RIC8B: variants seen among roughly 807,000 people sequenced by gnomAD.
RIC8B encodes chaperone Ric-8B.
Under a neutral mutation model 57.5 loss-of-function variants are expected in RIC8B, and 16 were observed. That is an observed-to-expected ratio of 0.28 (90% CI 0.19 to 0.42). The LOEUF (loss-of-function observed/expected upper bound fraction) is 0.42. Ranked by LOEUF, RIC8B falls within the 10% of genes least tolerant of loss-of-function variation. RIC8B has a pLI of 1.00. For synonymous variants in RIC8B, 216 were observed against 250.8 expected, an observed-to-expected ratio of 0.86 and a Z score of 1.31; for missense variants, 481 against 677.0, an observed-to-expected ratio of 0.71 and a Z score of 3.21.
chr12:106,886,919 C>T lies in RIC8B; in HGVS notation c.*904C>T, dbSNP rs1376603760. The T allele has an allele frequency of 6.6e-6, 1 of 152,480 alleles. No individual in the cohort carries two copies. Among genetic ancestry groups the T allele is most frequent in the Non-Finnish European group, 1.5e-5 (1 of 68,000 alleles). The allele number at this position is 152,480 out of a possible 1,614,324, so 9.4% of individuals were successfully genotyped here. ...TTGTACATATAGGTCATTCATACATCACATTTTAAATTGGGGACTGTGTGT... is the reference window on the plus strand; with the variant it reads ...TTGTACATATAGGTCATTCATACATTACATTTTAAATTGGGGACTGTGTGT... On this transcript the variant is annotated 3_prime_UTR_variant, in exon 10 of 10. Coordinates refer to ENST00000392837, the MANE Select transcript of RIC8B (RefSeq NM_001330145.2).
intron 8 of RIC8B, among the ~76,000 whole-genome samples, chr12:106,861,101 G>A (rs757996895): frequency 6.6e-6 from 1 of 151,844 alleles, no homozygotes; most frequent in Admixed American, 6.6e-5. Context: ...CATCCCACTC[G>A]TAACCCTCAA....
At chr12:106,841,089 A>G (rs1366147521) in intron 4 of RIC8B, among the ~76,000 whole-genome samples, 1 of 152,224 alleles carries the variant, frequency 6.6e-6, no homozygotes, top group East Asian at 1.9e-4. Flanking sequence ...AAAAAGTTTT[A>G]AGAGAAAGTT....
chr12:106,830,119 C>T (rs1309937582), intron 4 of RIC8B, among the ~76,000 whole-genome samples: 3 of 152,122 alleles, frequency 2.0e-5, no homozygotes, highest in African/African-American at 4.8e-5. Context: ...TGTGAGTTCT[C>T]CAGCTTTGTT....
chr12:106,869,658 T>C (rs1188932347), intron 8 of RIC8B, among the ~76,000 whole-genome samples: 1 of 152,192 alleles, frequency 6.6e-6, no homozygotes, highest in African/African-American at 2.4e-5. Context: ...ACAAACTATC[T>C]GCTAGGCGCC....
At chr12:106,804,702 T>C (rs1336337347) in intron 2 of RIC8B, among the ~76,000 whole-genome samples, 1 of 152,236 alleles carries the variant, frequency 6.6e-6, no homozygotes, top group East Asian at 1.9e-4. Context: ...ACAGCATCTT[T>C]GTGCATGTGG....
chr12:106,853,389 A>G (rs1206375346), intron 7 of RIC8B, among the ~76,000 whole-genome samples: 1 of 149,478 alleles, frequency 6.7e-6, no homozygotes, highest in Non-Finnish European at 1.5e-5. Flanking sequence ...CTTTGAGCCC[A>G]AAGCTAACCT....
chr12:106,836,460 C>G (rs1275259405), intron 4 of RIC8B, among the ~76,000 whole-genome samples: 1 of 152,162 alleles, frequency 6.6e-6, no homozygotes, highest in Admixed American at 6.5e-5. Context: ...AAATTAAACT[C>G]TCTATCATCC....
rs566586494 is a variant in RIC8B, at chr12:106,818,708, C to T, written c.741+3404C>T. Among the ~76,000 whole-genome samples, 162 of 152,220 alleles carry T rather than the reference C, an allele frequency of 1.1e-3. 2 individuals carry two copies. The highest frequency in any genetic ancestry group is 2.4e-3 in the Non-Finnish European group (160 of 68,004). ...AAGCAGTCTTCCTACCTCAGCCTCC[C>T]AAGTAGTTGAGATTACAGATGTAAG... On this transcript the variant is annotated intron_variant, in intron 3 of 9. Transcript: ENST00000392837.
intron 2 of RIC8B, among the ~76,000 whole-genome samples, chr12:106,794,826 G>A (rs537672386): frequency 1.3e-5 from 2 of 152,310 alleles, no homozygotes; most frequent in South Asian, 2.1e-4. Context: ...TTGAATCCAC[G>A]TGAAGATATA....
chr12:106,839,412 G>A (rs1384953901), intron 4 of RIC8B, among the ~76,000 whole-genome samples: 1 of 152,138 alleles, frequency 6.6e-6, no homozygotes, highest in Admixed American at 6.5e-5. Context: ...GATCTGGAGG[G>A]CATTATGATA....
At chr12:106,790,716 C>T (rs1006003175) in intron 2 of RIC8B, among the ~76,000 whole-genome samples, 3 of 152,260 alleles carry the variant, frequency 2.0e-5, no homozygotes, top group South Asian at 4.1e-4. Context: ...TTGGAAGAGA[C>T]ATATCATAAA....
intron 8 of RIC8B, among the ~76,000 whole-genome samples, chr12:106,865,514 A>AATC (rs1950103762): frequency 6.6e-6 from 1 of 152,166 alleles, no homozygotes; most frequent in African/African-American, 2.4e-5. Context: ...AAAACAGAAA[A>AATC]ATCCATTTGA....
At chr12:106,802,576 T>C (rs1195853354) in intron 2 of RIC8B, among the ~76,000 whole-genome samples, 3 of 149,260 alleles carry the variant, frequency 2.0e-5, no homozygotes, top group Non-Finnish European at 4.4e-5. Flanking sequence ...AGAACCATGT[T>C]TAAGGATTTA....
chr12:106,846,428 C>G (rs1386180383), intron 6 of RIC8B, among the ~76,000 whole-genome samples: 2 of 152,000 alleles, frequency 1.3e-5, no homozygotes, highest in Non-Finnish European at 2.9e-5. Context: ...TCTAGAAACA[C>G]TAATAGGTAG....
intron 1 of RIC8B, among the ~76,000 whole-genome samples, chr12:106,783,395 T>C (rs2043853187): frequency 6.6e-6 from 1 of 152,228 alleles, no homozygotes; most frequent in Non-Finnish European, 1.5e-5. Flanking sequence ...TTTAAACTCT[T>C]ATTCTTATTG....
chr12:106,817,851 C>G (rs2045648712), intron 3 of RIC8B, among the ~76,000 whole-genome samples: 1 of 149,122 alleles, frequency 6.7e-6, no homozygotes, highest in African/African-American at 2.5e-5. Context: ...AAATCTCTCA[C>G]CAGAGTGCAG....
At chr12:106,848,241 A>G (rs894869331) in intron 6 of RIC8B, among the ~76,000 whole-genome samples, 1 of 152,228 alleles carries the variant, frequency 6.6e-6, no homozygotes, top group Non-Finnish European at 1.5e-5. Context: ...AGTACTTGGC[A>G]TGTTTAAGAA....
intron 2 of RIC8B, among the ~76,000 whole-genome samples, chr12:106,807,625 G>T (rs887187297): frequency 1.3e-5 from 2 of 152,192 alleles, no homozygotes; most frequent in African/African-American, 4.8e-5. Flanking sequence ...GGAATATGGT[G>T]TAGCTAGGTA....
intron 9 of RIC8B, among the ~76,000 whole-genome samples, chr12:106,885,228 G>A (rs972075105): frequency 4.6e-5 from 7 of 152,176 alleles, no homozygotes; most frequent in Admixed American, 1.3e-4. Flanking sequence ...AAAAGCGGCA[G>A]TTGCGGAGCT....
Sources: gnomAD v4.1 joint callset for allele counts (sites outside exome capture counted in the v4.1 genomes callset) on GRCh38, gnomAD v4.1.1 for gene constraint, MANE v1.5 for transcripts, NCBI Gene and HGNC (gene_info 2026-07-23, HGNC 2026-07-21) for gene names.